The following HMHB1 variants were observed in gnomAD, a reference collection of about 807,000 sequenced individuals.
HMHB1 encodes the protein minor histocompatibility protein HB-1.
A neutral mutation model predicts 2.4 loss-of-function variants in HMHB1; 4 were observed. The observed-to-expected ratio is 1.65, with a 90% CI of 0.81 to 3.77. The LOEUF (loss-of-function observed/expected upper bound fraction) is 3.77. HMHB1 is among the 30% of genes most tolerant of loss of function. The pLI, the probability that HMHB1 is intolerant of heterozygous loss-of-function variation, is 0.01. For missense variants in HMHB1, 57 were observed against 44.2 expected, an observed-to-expected ratio of 1.29 and a Z score of -0.82; for synonymous variants, 22 against 17.6, an observed-to-expected ratio of 1.25 and a Z score of -0.63.
intron 1 of HMHB1, among the ~76,000 whole-genome samples, chr5:143,816,703 C>T (rs1759753060): frequency 6.6e-6 from 1 of 152,312 alleles, no homozygotes; most frequent in South Asian, 2.1e-4. Flanking sequence ...GACTTCTTTT[C>T]CTCTGGGTTG....
At chr5:143,814,446 A>G (rs1759726230) in intron 1 of HMHB1, among the ~76,000 whole-genome samples, 1 of 152,212 alleles carries the variant, frequency 6.6e-6, no homozygotes, top group Non-Finnish European at 1.5e-5. Flanking sequence ...GGATGGAAAC[A>G]GTTGACTTAC....
Position 143,820,636 on chromosome 5 carries a change from CATGAAGAAGAG to C in HMHB1, c.*69_*79del, listed in dbSNP as rs1759804160. Reference sequence around the variant, plus strand: ...GGATGAGCAGGGACAAATTGCTGAGCATGAAGAAGAGTAAAATTAAGCAAGTGGAACATATG... The same window carrying C: ...GGATGAGCAGGGACAAATTGCTGAGCTAAAATTAAGCAAGTGGAACATATG... On this transcript the variant is annotated 3_prime_UTR_variant, in exon 2 of 2. Coordinates refer to ENST00000289448, the MANE Select transcript of HMHB1 (RefSeq NM_021182.3). 1.0e-6 allele frequency: 1 copy of C among 982,910 alleles called. No homozygotes were observed. Among genetic ancestry groups the C allele is most frequent in the Admixed American group, 1.8e-5 (1 of 56,668 alleles). The allele number at this position is 982,910 out of a possible 1,614,324, so 60.9% of individuals were successfully genotyped here. A position where few individuals can be genotyped will look rare whatever the true frequency, so the allele number is the denominator to read the frequency against.
intron 1 of HMHB1, among the ~76,000 whole-genome samples, chr5:143,815,933 C>G (rs545081527): frequency 3.5e-5 from 5 of 142,348 alleles, no homozygotes; most frequent in Admixed American, 2.2e-4. Flanking sequence ...GTCTCGATCT[C>G]CTGACCTCAT....
chr5:143,820,318 T>TAAAAAAAAAAAAAAAAAAAAAAAAAAA (rs60960654), intron 1 of HMHB1, among the ~76,000 whole-genome samples, 162 bp from the exon 2 acceptor site: 40 of 47,574 alleles, frequency 8.4e-4, no homozygotes, highest in South Asian at 2.6e-3. Flanking sequence ...TCATCATAAG[T>TAAAAAAAAAAAAAAAAAAAAAAAAAAA]AAAAAAAAAA....
At chr5:143,817,797 T>C (rs1406253149) in intron 1 of HMHB1, among the ~76,000 whole-genome samples, 1 of 152,192 alleles carries the variant, frequency 6.6e-6, no homozygotes, top group African/African-American at 2.4e-5. Flanking sequence ...CTTTTGGCAG[T>C]ATGGTCATTT....
rs188041242 is a variant in HMHB1 at position 143,817,746 on chromosome 5, T to C, written c.38-2734T>C. Among the ~76,000 whole-genome samples the C allele has an allele frequency of 3.9e-5, 6 of 152,304 alleles. No homozygotes were observed. In the East Asian group the frequency reaches 1.2e-3, roughly 29 times the overall value. On this transcript the variant is annotated intron_variant, in intron 1 of 1. Coordinates refer to ENST00000289448, the MANE Select transcript of HMHB1 (RefSeq NM_021182.3). The stretch of plus-strand genomic sequence containing the variant: ...TTTTTCCTAATTGTGTGAAGAATGA[T>C]GGTGGTATTTTGATGGGGATGGTGT...
intron 1 of HMHB1, 25 bp downstream of exon 1, chr5:143,812,329 A>C (rs1432047828): frequency 1.5e-5 from 23 of 1,548,744 alleles, no homozygotes; most frequent in Non-Finnish European, 1.9e-5. Context: ...AGGAGGGAGA[A>C]CAGAGAGAGA....
In HMHB1 at chr5:143,813,363, C is replaced by A. The variant is rs111459914; in HGVS notation, c.37+1059C>A. Among the ~76,000 whole-genome samples, 321 of 152,232 alleles carry A rather than the reference C, an allele frequency of 2.1e-3. 5 individuals are homozygous for A. The highest frequency in any genetic ancestry group is 7.3e-3 in the African/African-American group (303 of 41,556). ...AAAATAAACCACTCCCTTTTTGGTG[C>A]CCTCATAGTTTTACATTTTGGCCTA... On this transcript the variant is annotated intron_variant, in intron 1 of 1. Transcript: ENST00000289448.
At chr5:143,812,930 C>T (rs952337897) in intron 1 of HMHB1, among the ~76,000 whole-genome samples, 1 of 149,766 alleles carries the variant, frequency 6.7e-6, no homozygotes, top group South Asian at 2.2e-4. Context: ...CAGGAAATGG[C>T]AGAAAGGCCC....
At chr5:143,813,510 T>C (rs995386573) in intron 1 of HMHB1, among the ~76,000 whole-genome samples, 2 of 152,192 alleles carry the variant, frequency 1.3e-5, no homozygotes, top group African/African-American at 4.8e-5. Context: ...TGTCAATAAA[T>C]GTTAGCTGAA....
Position 143,820,676 on chromosome 5 carries a change from T to A in HMHB1, c.*108T>A. 1.4e-6 allele frequency: 1 copy of A among 724,722 alleles called. No individual in the cohort carries two copies. 44.9% of individuals were successfully genotyped at this position (724,722 alleles called of 1,614,324 possible). A position where few individuals can be genotyped will look rare whatever the true frequency, so the allele number is the denominator to read the frequency against. ...AATTAAGCAAGTGGAACATATGCCC[T>A]TTGCCTCTGCTCTGCACAGTGAAAT... On this transcript the variant is annotated 3_prime_UTR_variant, in exon 2 of 2. Transcript: ENST00000289448.
At chr5:143,818,692 A>G (rs967694912) in intron 1 of HMHB1, among the ~76,000 whole-genome samples, 2 of 152,198 alleles carry the variant, frequency 1.3e-5, no homozygotes, top group Non-Finnish European at 2.9e-5. Flanking sequence ...TTTTTAAAGG[A>G]TACTTTATGG....
At chr5:143,817,936 A>G (rs1191362292) in intron 1 of HMHB1, among the ~76,000 whole-genome samples, 1 of 152,236 alleles carries the variant, frequency 6.6e-6, no homozygotes, top group Non-Finnish European at 1.5e-5. Context: ...ACCTTTGAAA[A>G]TGTGGAAAAG....
chr5:143,819,353 C>T (rs1032314363), intron 1 of HMHB1, among the ~76,000 whole-genome samples: 13 of 152,224 alleles, frequency 8.5e-5, no homozygotes, highest in African/African-American at 2.9e-4. Context: ...AAGTCTACTA[C>T]AATATCCTGG....
chr5:143,814,570 C>T (rs917435888), intron 1 of HMHB1, among the ~76,000 whole-genome samples: 1 of 152,170 alleles, frequency 6.6e-6, no homozygotes, highest in African/African-American at 2.4e-5. Context: ...CACTTCCCAG[C>T]ACAACATCTC....
intron 1 of HMHB1, among the ~76,000 whole-genome samples, chr5:143,817,421 C>T (rs533980201): frequency 6.6e-5 from 10 of 152,238 alleles, no homozygotes; most frequent in East Asian, 1.9e-4. Context: ...TTCTCCTACA[C>T]GTGGCTAGCC....
chr5:143,812,185 C>A lies in HMHB1; in HGVS notation c.-83C>A. 3 of 1,341,820 alleles carry A rather than the reference C, an allele frequency of 2.2e-6. No individual in the cohort carries two copies. The highest frequency in any genetic ancestry group is 2.1e-6 in the Non-Finnish European group (2 of 962,206). The allele number at this position is 1,341,820 out of a possible 1,614,324, so 83.1% of individuals were successfully genotyped here. ...ACCACATCCCAGGAGGCCGAGGCGG[C>A]TTGCCCCGCATCTCAGAAGCCGGGC... is the stretch of plus-strand genomic sequence containing the variant. On this transcript the variant is annotated 5_prime_UTR_variant, in exon 1 of 2. Transcript: ENST00000289448.
chr5:143,820,636 C>A lies in HMHB1; in HGVS notation c.*68C>A. The A allele has an allele frequency of 1.0e-6, 1 of 982,904 alleles. No individual in the cohort carries two copies. The highest frequency in any genetic ancestry group is 1.6e-6 in the Non-Finnish European group (1 of 611,384). 60.9% of individuals were successfully genotyped at this position (982,904 alleles called of 1,614,324 possible). A position where few individuals can be genotyped will look rare whatever the true frequency, so the allele number is the denominator to read the frequency against. ...GGATGAGCAGGGACAAATTGCTGAG[C>A]ATGAAGAAGAGTAAAATTAAGCAAG... On this transcript the variant is annotated 3_prime_UTR_variant, in exon 2 of 2. Transcript: ENST00000289448.
At chr5:143,812,677 C>T (rs968862505) in intron 1 of HMHB1, among the ~76,000 whole-genome samples, 6 of 152,120 alleles carry the variant, frequency 3.9e-5, no homozygotes, top group Admixed American at 3.3e-4. Flanking sequence ...TCTTGCCCAC[C>T]GCGTGGGATG....
Sources: allele counts gnomAD v4.1 joint callset (sites outside exome capture counted in the v4.1 genomes callset), GRCh38; gene constraint gnomAD v4.1.1; transcripts MANE v1.5; gene names NCBI Gene and HGNC (gene_info 2026-07-23, HGNC 2026-07-21).